LRFN5: variants seen among roughly 807,000 people sequenced by gnomAD.
LRFN5 encodes leucine rich repeat and fibronectin type III domain containing 5.
LRFN5 carries 24 observed loss-of-function variants against 45.6 expected under a neutral mutation model. The observed-to-expected ratio is 0.53, with a 90% CI of 0.38 to 0.74. The LOEUF is 0.74. LRFN5 is among the 30% of genes least tolerant of loss of function. LRFN5 has a pLI of 0.00. For synonymous variants in LRFN5, 340 were observed against 313.8 expected, an observed-to-expected ratio of 1.08 and a Z score of -0.88; for missense variants, 776 against 861.5, an observed-to-expected ratio of 0.90 and a Z score of 1.24.
intron 1 of LRFN5, among the ~76,000 whole-genome samples, chr14:41,610,776 CT>C (rs144578283): frequency 0.39 from 57,571 of 147,668 alleles, 12,637 homozygotes; most frequent in Non-Finnish European, 0.51. Flanking sequence ...TATCTTCTCT[CT>C]TTTTTTTTGT....
intron 2 of LRFN5, among the ~76,000 whole-genome samples, chr14:41,848,545 G>T (rs1372525488): frequency 6.6e-6 from 1 of 151,718 alleles, no homozygotes; most frequent in Non-Finnish European, 1.5e-5. Flanking sequence ...ACAATGAAGA[G>T]GGCTTCAGGT....
At chr14:41,619,101 G>A (rs1437642536) in intron 1 of LRFN5, among the ~76,000 whole-genome samples, 1 of 151,954 alleles carries the variant, frequency 6.6e-6, no homozygotes. Flanking sequence ...CCTCCAAGTG[G>A]TATTTGGGCT....
chr14:41,682,540 G>T (rs1881949169), intron 1 of LRFN5, among the ~76,000 whole-genome samples: 1 of 151,786 alleles, frequency 6.6e-6, no homozygotes, highest in Admixed American at 6.6e-5. Flanking sequence ...TTATTTTTTT[G>T]AAAAGACAAA....
chr14:41,750,942 A>T (rs1459192901), intron 1 of LRFN5, among the ~76,000 whole-genome samples: 2 of 152,096 alleles, frequency 1.3e-5, no homozygotes, highest in Non-Finnish European at 2.9e-5. Context: ...CATCTACATT[A>T]GGTATTTCTC....
intron 2 of LRFN5, among the ~76,000 whole-genome samples, chr14:41,811,158 C>A (rs965772943): frequency 6.6e-6 from 1 of 151,944 alleles, no homozygotes; most frequent in South Asian, 2.1e-4. Flanking sequence ...AGTCAATAAG[C>A]ATATGAAATG....
At chr14:41,695,780 G>A (rs2138714618) in intron 1 of LRFN5, among the ~76,000 whole-genome samples, 1 of 152,034 alleles carries the variant, frequency 6.6e-6, no homozygotes, top group East Asian at 1.9e-4. Flanking sequence ...AGTCACCCAA[G>A]AGCTCTGATA....
rs1185599048 is a variant in LRFN5 at position 41,650,264 on chromosome 14, C to CAA, written c.-197+41703_-197+41704insAA. Among the ~76,000 whole-genome samples, 302 of 130,388 alleles carry CAA rather than the reference C, an allele frequency of 2.3e-3. 1 individual carries two copies. Among genetic ancestry groups the CAA allele is most frequent in the African/African-American group, 2.7e-3 (89 of 32,442 alleles). The allele number at this position is 130,388 out of a possible 152,430, so 85.5% of individuals were successfully genotyped here. A position where few individuals can be genotyped will look rare whatever the true frequency, so the allele number is the denominator to read the frequency against. On this transcript the variant is annotated intron_variant, in intron 1 of 5. Transcript: ENST00000298119. ...ACACACACACACACACACACACACA[C>CAA]ACAAAAAAAAAAAAGATACTTGCAA...
chr14:41,894,743 A>C (rs1371493311), intron 4 of LRFN5: 1 of 984,054 alleles, frequency 1.0e-6, no homozygotes, highest in Non-Finnish European at 1.2e-6. Flanking sequence ...TGAATAGGTA[A>C]ATATGGCCAT....
intron 2 of LRFN5, among the ~76,000 whole-genome samples, chr14:41,865,930 A>T (rs1280419787): frequency 6.6e-6 from 1 of 152,156 alleles, no homozygotes; most frequent in Admixed American, 6.6e-5. Flanking sequence ...AAGTTGTAAA[A>T]GTCATTTATA....
At chr14:41,626,373 A>T (rs1212586578) in intron 1 of LRFN5, among the ~76,000 whole-genome samples, 1 of 152,116 alleles carries the variant, frequency 6.6e-6, no homozygotes, top group Non-Finnish European at 1.5e-5. Context: ...CTTATCTACA[A>T]TGTAATTTGT....
intron 2 of LRFN5, among the ~76,000 whole-genome samples, chr14:41,771,318 A>G (rs956006219): frequency 6.6e-6 from 1 of 151,904 alleles, no homozygotes; most frequent in African/African-American, 2.4e-5. Flanking sequence ...ATATTAGCTC[A>G]TGGCGTCCTT....
intron 2 of LRFN5, among the ~76,000 whole-genome samples, chr14:41,793,348 A>G (rs1325468894): frequency 6.6e-6 from 1 of 152,000 alleles, no homozygotes; most frequent in Non-Finnish European, 1.5e-5. Flanking sequence ...CACTCTGTGC[A>G]CTCTGACATA....
At chr14:41,762,566 T>G (rs1017605981) in intron 1 of LRFN5, among the ~76,000 whole-genome samples, 1 of 152,146 alleles carries the variant, frequency 6.6e-6, no homozygotes, top group Admixed American at 6.5e-5. Flanking sequence ...ATAGTGTTTA[T>G]ATGAATTTCT....
chr14:41,892,313 AAC>A, intron 4 of LRFN5: 1 of 961,790 alleles, frequency 1.0e-6, no homozygotes, highest in Non-Finnish European at 1.2e-6. Flanking sequence ...ACACATATAT[AAC>A]TATATATATG....
At chr14:41,681,797 TTTA>T (rs1881899913) in intron 1 of LRFN5, among the ~76,000 whole-genome samples, 2 of 79,436 alleles carry the variant, frequency 2.5e-5, no homozygotes, top group Non-Finnish European at 4.2e-5. Flanking sequence ...TTTATTTTAT[TTTA>T]TTTATTTATT....
At chr14:41,762,203 T>C (rs1235188395) in intron 1 of LRFN5, among the ~76,000 whole-genome samples, 1 of 151,842 alleles carries the variant, frequency 6.6e-6, no homozygotes, top group Admixed American at 6.6e-5. Context: ...CTTAATGTTA[T>C]TTTCTGTTAG....
intron 1 of LRFN5, among the ~76,000 whole-genome samples, chr14:41,754,355 G>T (rs1441218026): frequency 6.6e-6 from 1 of 152,106 alleles, no homozygotes; most frequent in African/African-American, 2.4e-5. Context: ...GCTCCTCCTT[G>T]TACCTCTGGT....
At chr14:41,738,929 T>C (rs1160682551) in intron 1 of LRFN5, among the ~76,000 whole-genome samples, 1 of 152,252 alleles carries the variant, frequency 6.6e-6, no homozygotes, top group Non-Finnish European at 1.5e-5. Flanking sequence ...ATAGAACAGT[T>C]CATCTAACAG....
At chr14:41,893,119 T>A (rs1890837494) in intron 4 of LRFN5, 1 of 984,606 alleles carries the variant, frequency 1.0e-6, no homozygotes, top group African/African-American at 1.7e-5. Context: ...GTTTTCCTTT[T>A]AAAGTAAATG....
Sources: gnomAD v4.1 joint callset for allele counts (sites outside exome capture counted in the v4.1 genomes callset) on GRCh38, gnomAD v4.1.1 for gene constraint, MANE v1.5 for transcripts, NCBI Gene and HGNC (gene_info 2026-07-23, HGNC 2026-07-21) for gene names.